The following PLGRKT variants were observed in gnomAD, a reference collection of about 807,000 sequenced individuals.
PLGRKT encodes plasminogen receptor with a C-terminal lysine.
PLGRKT carries 22 observed loss-of-function variants against 18.5 expected under a neutral mutation model. The ratio of observed to expected loss-of-function variants is 1.19; its 90% CI spans 0.85 to 1.70. The LOEUF is 1.70. Among genes scored for constraint, PLGRKT ranks in the 40% most tolerant of loss-of-function variants. The pLI is 0.00. For missense variants in PLGRKT, 235 were observed against 174.4 expected (o/e 1.35, Z -1.96); for synonymous variants, 72 against 52.8 (o/e 1.36, Z -1.58).
chr9:5,373,359 C>G (rs1442729439), intron 3 of PLGRKT, among the ~76,000 whole-genome samples: 1 of 152,168 alleles, frequency 6.6e-6, no homozygotes, highest in Admixed American at 6.5e-5. Flanking sequence ...CTGGGAGAAA[C>G]CATGACGTCC....
intron 2 of PLGRKT, among the ~76,000 whole-genome samples, chr9:5,436,225 G>A (rs570955424): frequency 1.8e-4 from 27 of 152,290 alleles, no homozygotes; most frequent in Non-Finnish European, 2.5e-4. Flanking sequence ...GGTTAGGAGC[G>A]AGATATTATC....
At chr9:5,399,846 C>T (rs1275204818) in intron 3 of PLGRKT, among the ~76,000 whole-genome samples, 1 of 151,508 alleles carries the variant, frequency 6.6e-6, no homozygotes, top group Non-Finnish European at 1.5e-5. Flanking sequence ...CAAAAATTAG[C>T]CAGGCCTGGT....
intron 3 of PLGRKT, among the ~76,000 whole-genome samples, chr9:5,405,031 G>T (rs900538069): frequency 1.1e-4 from 17 of 152,040 alleles, no homozygotes; most frequent in Admixed American, 1.0e-3. Context: ...ATTCACAACT[G>T]CCACAAAGAA....
chr9:5,387,537 C>G (rs1817867215), intron 3 of PLGRKT, among the ~76,000 whole-genome samples: 1 of 151,780 alleles, frequency 6.6e-6, no homozygotes, highest in Non-Finnish European at 1.5e-5. Flanking sequence ...ATTAAGAAAA[C>G]AGACATAATA....
intron 3 of PLGRKT, among the ~76,000 whole-genome samples, chr9:5,428,083 C>T (rs1004732804): frequency 3.9e-5 from 6 of 152,050 alleles, no homozygotes; most frequent in Non-Finnish European, 7.4e-5. Context: ...AAAAACAAGG[C>T]GACGTGGCGA....
chr9:5,369,139 G>C (rs188039182), intron 3 of PLGRKT, among the ~76,000 whole-genome samples: 1 of 152,280 alleles, frequency 6.6e-6, no homozygotes, highest in East Asian at 1.9e-4. Context: ...CTTCTGCACA[G>C]CAAAAGAAAC....
At chr9:5,426,850 C>T (rs1158495547) in intron 3 of PLGRKT, among the ~76,000 whole-genome samples, 2 of 152,152 alleles carry the variant, frequency 1.3e-5, no homozygotes, top group African/African-American at 4.8e-5. Flanking sequence ...GCTCAATGTA[C>T]CTCAGCTATG....
At chr9:5,397,216 C>A (rs890116275) in intron 3 of PLGRKT, among the ~76,000 whole-genome samples, 13 of 151,830 alleles carry the variant, frequency 8.6e-5, no homozygotes, top group African/African-American at 3.2e-4. Flanking sequence ...GAAATGAGCT[C>A]ATGGACTTTC....
chr9:5,429,854 TA>T (rs1293518125), intron 3 of PLGRKT, among the ~76,000 whole-genome samples: 4 of 152,158 alleles, frequency 2.6e-5, no homozygotes, highest in Non-Finnish European at 5.9e-5. Context: ...GAGCTCTTGT[TA>T]AAAATGAACC....
chr9:5,410,793 A>G (rs1818347953), intron 3 of PLGRKT, among the ~76,000 whole-genome samples: 1 of 152,212 alleles, frequency 6.6e-6, no homozygotes, highest in Non-Finnish European at 1.5e-5. Flanking sequence ...AAAGATTAGA[A>G]ATGGCATCAG....
chr9:5,411,148 C>T (rs971812293), intron 3 of PLGRKT, among the ~76,000 whole-genome samples: 6 of 152,002 alleles, frequency 3.9e-5, no homozygotes, highest in African/African-American at 1.2e-4. Flanking sequence ...CTTTGGGAGG[C>T]CGAGGCAGGT....
chr9:5,392,535 G>C (rs780074108), intron 3 of PLGRKT: 1 of 151,910 alleles, frequency 6.6e-6, no homozygotes, highest in Non-Finnish European at 1.5e-5. Flanking sequence ...AGCAGGAGGA[G>C]ATAAGCATTC....
intron 3 of PLGRKT, among the ~76,000 whole-genome samples, chr9:5,385,297 G>A (rs1313241032): frequency 6.6e-6 from 1 of 151,644 alleles, no homozygotes; most frequent in Non-Finnish European, 1.5e-5. Flanking sequence ...TATTCTTGTG[G>A]CCTCTCATCT....
At chr9:5,412,495 A>C (rs924682175) in intron 3 of PLGRKT, among the ~76,000 whole-genome samples, 1 of 152,220 alleles carries the variant, frequency 6.6e-6, no homozygotes, top group African/African-American at 2.4e-5. Context: ...CTTTGTTATA[A>C]AACCAAGCTT....
At chr9:5,413,573 A>G (rs1818404760) in intron 3 of PLGRKT, among the ~76,000 whole-genome samples, 1 of 152,220 alleles carries the variant, frequency 6.6e-6, no homozygotes, top group Non-Finnish European at 1.5e-5. Flanking sequence ...GGAAGGGCCC[A>G]TGAGCCAAGG....
At chr9:5,419,351 C>T (rs983830328) in intron 3 of PLGRKT, among the ~76,000 whole-genome samples, 1 of 152,202 alleles carries the variant, frequency 6.6e-6, no homozygotes, top group South Asian at 2.1e-4. Context: ...GGAAATGGTA[C>T]GTGTTTGGGA....
At chr9:5,423,364 G>C (rs1818614248) in intron 3 of PLGRKT, among the ~76,000 whole-genome samples, 2 of 152,148 alleles carry the variant, frequency 1.3e-5, no homozygotes, top group South Asian at 2.1e-4. Flanking sequence ...TATGTGTCTG[G>C]AAGTATGTTT....
At chr9:5,414,740 G>A (rs777945975) in intron 3 of PLGRKT, among the ~76,000 whole-genome samples, 2 of 152,152 alleles carry the variant, frequency 1.3e-5, no homozygotes, top group South Asian at 2.1e-4. Context: ...ACAGGGGTAC[G>A]TACTGGCAAT....
intron 3 of PLGRKT, among the ~76,000 whole-genome samples, chr9:5,387,809 G>A (rs1254267308): frequency 6.6e-6 from 1 of 151,804 alleles, no homozygotes; most frequent in Non-Finnish European, 1.5e-5. Context: ...AGAAAGGAAG[G>A]AGTATTGCAG....
Sources: gnomAD v4.1 joint callset for allele counts (sites outside exome capture counted in the v4.1 genomes callset) on GRCh38, gnomAD v4.1.1 for gene constraint, MANE v1.5 for transcripts, NCBI Gene and HGNC (gene_info 2026-07-23, HGNC 2026-07-21) for gene names.